CRPPA: variants seen among roughly 807,000 people sequenced by gnomAD.
CRPPA encodes CDP-L-ribitol pyrophosphorylase A.
A neutral mutation model predicts 52.0 loss-of-function variants in CRPPA; 43 were observed. The observed-to-expected ratio is 0.83, with a 90% CI of 0.65 to 1.07. The LOEUF (loss-of-function observed/expected upper bound fraction) is 1.07, where lower values mean the gene tolerates loss of function less well. Ranked by LOEUF, CRPPA falls within the 50% of genes least tolerant of loss-of-function variation. The probability of loss-of-function intolerance (pLI) is 0.00; values close to 1 mark genes in which losing one functional copy is unlikely to be tolerated. For missense variants in CRPPA, 629 were observed against 551.7 expected, an observed-to-expected ratio of 1.14 and a Z score of -1.40; for synonymous variants, 250 against 203.5, an observed-to-expected ratio of 1.23 and a Z score of -1.94.
intron 3 of CRPPA, among the ~76,000 whole-genome samples, chr7:16,358,527 C>T (rs1786363799): frequency 6.6e-6 from 1 of 152,178 alleles, no homozygotes; most frequent in Non-Finnish European, 1.5e-5. Flanking sequence ...TTCACCCCAT[C>T]CACAAAATAT....
intron 9 of CRPPA, among the ~76,000 whole-genome samples, chr7:16,180,427 C>A (rs1781388176): frequency 6.6e-6 from 1 of 151,978 alleles, no homozygotes; most frequent in African/African-American, 2.4e-5. Flanking sequence ...AGAAAAGCAA[C>A]AAATATATTA....
At position 16,132,974 on chromosome 7, in the gene CRPPA, T is replaced by C. The variant is rs953933645; in HGVS notation, c.1252-41175A>G. Among the ~76,000 whole-genome samples the C allele has an allele frequency of 1.1e-4, 13 of 122,560 alleles. 5 individuals carry two copies. The highest frequency in any genetic ancestry group is 2.2e-4 in the Non-Finnish European group (12 of 54,096). The allele number at this position is 122,560 out of a possible 152,430, so 80.4% of individuals were successfully genotyped here. On this transcript the variant is annotated intron_variant, in intron 9 of 9. Transcript: ENST00000407010. ...GAGTTTGAGACTAGTCTGGGAAACA[T>C]AGTGAGACCATGTCTCTACAAAAAA...
rs115848900 is a variant in CRPPA, at chr7:16,133,380, G to T, written c.1252-41581C>A. Among the ~76,000 whole-genome samples, 1,138 of 122,534 alleles carry T rather than the reference G, an allele frequency of 9.3e-3. 170 individuals carry two copies. Among genetic ancestry groups the T allele is most frequent in the African/African-American group, 0.029 (1,092 of 37,990 alleles). 80.4% of individuals were successfully genotyped at this position (122,534 alleles called of 152,430 possible). On this transcript the variant is annotated intron_variant, in intron 9 of 9. Transcript: ENST00000407010. Reference sequence around the variant, plus strand: ...CACAACCACTTACAGACAATACACAGCACCACTTGCAGTCAAGAGAAATGT... The same window carrying T: ...CACAACCACTTACAGACAATACACATCACCACTTGCAGTCAAGAGAAATGT...
intron 6 of CRPPA, among the ~76,000 whole-genome samples, chr7:16,274,761 T>C (rs1583485579): frequency 6.6e-6 from 1 of 152,142 alleles, no homozygotes; most frequent in Admixed American, 6.5e-5. Flanking sequence ...AATTAGATAC[T>C]TGAAATTAAA....
chr7:16,412,094 C>T (rs548377651), intron 1 of CRPPA, among the ~76,000 whole-genome samples: 17 of 152,280 alleles, frequency 1.1e-4, no homozygotes, highest in African/African-American at 4.1e-4. Context: ...TCCATTCCAT[C>T]AGACAGAAAA....
At chr7:16,195,087 T>C (rs563461114) in intron 9 of CRPPA, among the ~76,000 whole-genome samples, 12 of 152,188 alleles carry the variant, frequency 7.9e-5, no homozygotes, top group African/African-American at 2.6e-4. Flanking sequence ...CTTTTTATAA[T>C]ATACAATTCA....
intron 8 of CRPPA, among the ~76,000 whole-genome samples, chr7:16,226,366 G>C (rs958224181): frequency 6.6e-6 from 1 of 151,760 alleles, no homozygotes; most frequent in African/African-American, 2.4e-5. Flanking sequence ...AAACTGGAAG[G>C]TCACTTTTGC....
intron 9 of CRPPA, among the ~76,000 whole-genome samples, chr7:16,183,379 A>G (rs1583413921): frequency 6.6e-6 from 1 of 152,262 alleles, no homozygotes; most frequent in African/African-American, 2.4e-5. Context: ...ATACTGAGAA[A>G]AGTACTGTGG....
Position 16,246,713 on chromosome 7 carries a change from TG to T in CRPPA, c.1119+11676del, listed in dbSNP as rs560426064. Reference sequence around the variant, plus strand: ...ACATTGTCAATAAGCAGTAATATTTTGAAAGGAATCTTTCTTTGTGAGCATT... The same window carrying T: ...ACATTGTCAATAAGCAGTAATATTTTAAAGGAATCTTTCTTTGTGAGCATT... On this transcript the variant is annotated intron_variant, in intron 8 of 9. Coordinates refer to ENST00000407010, the MANE Select transcript of CRPPA (RefSeq NM_001101426.4). Among the ~76,000 whole-genome samples the T allele has an allele frequency of 3.6e-3, 541 of 152,390 alleles. 2 individuals carry two copies. The highest frequency in any genetic ancestry group is 0.011 in the South Asian group (51 of 4,832).
chr7:16,397,149 C>G (rs915931024), intron 2 of CRPPA, among the ~76,000 whole-genome samples: 1 of 152,270 alleles, frequency 6.6e-6, no homozygotes, highest in African/African-American at 2.4e-5. Flanking sequence ...GCGTGTCTGA[C>G]ACATTAGCAA....
intron 9 of CRPPA, among the ~76,000 whole-genome samples, chr7:16,173,963 A>G (rs1781243718): frequency 1.3e-5 from 2 of 152,186 alleles, no homozygotes; most frequent in Non-Finnish European, 2.9e-5. Context: ...CTTACCTAAA[A>G]CAACATAAAA....
intron 8 of CRPPA, among the ~76,000 whole-genome samples, chr7:16,244,703 T>C (rs1037287215): frequency 2.0e-5 from 3 of 152,192 alleles, no homozygotes; most frequent in Non-Finnish European, 4.4e-5. Context: ...AGTCTCTCCA[T>C]TGAAAAGCCT....
intron 3 of CRPPA, among the ~76,000 whole-genome samples, chr7:16,355,735 C>T (rs1001130913): frequency 4.6e-5 from 7 of 152,188 alleles, no homozygotes; most frequent in Admixed American, 2.0e-4. Flanking sequence ...CATCTACCAA[C>T]ACTGACTGAT....
chr7:16,401,150 G>A (rs1312189306), intron 2 of CRPPA, among the ~76,000 whole-genome samples: 1 of 152,122 alleles, frequency 6.6e-6, no homozygotes, highest in Non-Finnish European at 1.5e-5. Flanking sequence ...TCATCTTTCT[G>A]GTGACCAGCC....
chr7:16,270,832 C>G (rs997704936), intron 6 of CRPPA, among the ~76,000 whole-genome samples: 16 of 152,020 alleles, frequency 1.1e-4, no homozygotes, highest in Non-Finnish European at 1.3e-4. Flanking sequence ...TTGGATAGGT[C>G]TTAGGATGCT....
At chr7:16,336,301 G>A (rs117342131) in intron 3 of CRPPA, among the ~76,000 whole-genome samples, 1 of 152,090 alleles carries the variant, frequency 6.6e-6, no homozygotes, top group African/African-American at 2.4e-5. Context: ...TGTAGCTGCA[G>A]TAAGTTGTTA....
At chr7:16,117,312 T>C (rs1782395101) in intron 9 of CRPPA, among the ~76,000 whole-genome samples, 1 of 152,062 alleles carries the variant, frequency 6.6e-6, no homozygotes, top group South Asian at 2.1e-4. Flanking sequence ...CAGGGGTGAG[T>C]TCTCTTTGGA....
In CRPPA at chr7:16,140,884, C is replaced by T. The variant is rs17169283; in HGVS notation, c.1252-49085G>A. Among the ~76,000 whole-genome samples the T allele has an allele frequency of 1.7e-3, 261 of 152,160 alleles. No homozygotes were observed. The East Asian group carries it at 0.021, about 12-fold the overall frequency. On this transcript the variant is annotated intron_variant, in intron 9 of 9. Transcript: ENST00000407010. ...GTTTATCGAACTCTTTTTTGAGCACCCAGTATGCCCCAAGCACTAAGGATA... is the reference window on the plus strand; with the variant it reads ...GTTTATCGAACTCTTTTTTGAGCACTCAGTATGCCCCAAGCACTAAGGATA...
intron 9 of CRPPA, among the ~76,000 whole-genome samples, chr7:16,116,723 A>T (rs1782383388): frequency 7.3e-6 from 1 of 136,346 alleles, no homozygotes; most frequent in Non-Finnish European, 1.6e-5. Context: ...AGAGAAACAA[A>T]CAAACAAACA....
Sources: gnomAD v4.1 joint callset for allele counts (sites outside exome capture counted in the v4.1 genomes callset) on GRCh38, gnomAD v4.1.1 for gene constraint, MANE v1.5 for transcripts, NCBI Gene and HGNC (gene_info 2026-07-23, HGNC 2026-07-21) for gene names.